KANSL2: variants seen among roughly 807,000 people sequenced by gnomAD.
The protein encoded by KANSL2 is NSL complex protein NSL2.
A neutral mutation model predicts 55.6 loss-of-function variants in KANSL2; 34 were observed. That is an observed-to-expected ratio of 0.61 (90% CI 0.46 to 0.81). The LOEUF is 0.81. KANSL2 is among the 40% of genes least tolerant of loss of function. The pLI is 0.00. For missense variants in KANSL2, 502 were observed against 609.9 expected, an observed-to-expected ratio of 0.82 and a Z score of 1.86; for synonymous variants, 209 against 214.3, an observed-to-expected ratio of 0.98 and a Z score of 0.22.
At chr12:48,660,296 C>T in intron 8 of KANSL2, 70 bp downstream of exon 8, 1 of 1,542,520 alleles carries the variant, frequency 6.5e-7, no homozygotes. Context: ...AAAGACTAAC[C>T]TATTCTCACC....
chr12:48,654,144 C>G lies in KANSL2; in HGVS notation c.1379G>C (p.Arg460Thr). Residue 460 changes from arginine (R) to threonine (T), a missense_variant, in exon 10 of 10, where the codon AGA becomes ACA. Arg to Thr is a moderately conservative substitution (Grantham distance 71). Transcript: ENST00000420613. ...GQMQMAGDGC[R>T]SQGSRNSEKA... is the part of the protein sequence containing the mutation. Reference sequence around the variant, plus strand: ...CTCAGAATTTCGAGATCCCTGGGATCTGCACCCATCTCCAGCCATCTGCAT... The same window carrying G: ...CTCAGAATTTCGAGATCCCTGGGATGTGCACCCATCTCCAGCCATCTGCAT... 6.2e-7 allele frequency: 1 copy of G among 1,612,036 alleles called. No individual in the cohort carries two copies.
At chr12:48,660,178 TG>T (rs1333749344) in intron 8 of KANSL2, among the ~76,000 whole-genome samples, 187 bp downstream of exon 8, 1 of 152,150 alleles carries the variant, frequency 6.6e-6, no homozygotes, top group Non-Finnish European at 1.5e-5. Context: ...GGGAAGAGTC[TG>T]GAAAAAAATA....
intron 3 of KANSL2, 60 bp from the exon 4 acceptor site, chr12:48,679,210 A>T (rs1003382671): frequency 6.5e-6 from 7 of 1,084,076 alleles, no homozygotes; most frequent in Non-Finnish European, 8.5e-6. Flanking sequence ...TCCACCACAC[A>T]AAACTAGATT....
intron 4 of KANSL2, among the ~76,000 whole-genome samples, chr12:48,675,990 T>C (rs1244867905): frequency 2.0e-5 from 3 of 152,134 alleles, no homozygotes; most frequent in Non-Finnish European, 2.9e-5. Flanking sequence ...GCCAAACAAG[T>C]TATAGATGTT....
chr12:48,668,488 T>TG (rs1356754934), intron 6 of KANSL2, among the ~76,000 whole-genome samples: 2 of 152,176 alleles, frequency 1.3e-5, no homozygotes, highest in African/African-American at 4.8e-5. Flanking sequence ...AGACTGGACA[T>TG]AGGGAGTTCA....
At chr12:48,671,096 C>A (rs942106792) in intron 5 of KANSL2, among the ~76,000 whole-genome samples, 2 of 151,994 alleles carry the variant, frequency 1.3e-5, no homozygotes, top group South Asian at 2.1e-4. Context: ...AAAACCCCCC[C>A]TCTACTAAAA....
intron 8 of KANSL2, among the ~76,000 whole-genome samples, chr12:48,659,635 G>C (rs1939452539): frequency 1.3e-5 from 2 of 151,752 alleles, no homozygotes; most frequent in African/African-American, 4.8e-5. Flanking sequence ...AAAAAAAAAA[G>C]TTATAAAAAT....
In KANSL2 at chr12:48,677,784, CAAAAAAAAAAAA is replaced by C. The variant is rs56147873; in HGVS notation, c.545+1240_545+1251del. On this transcript the variant is annotated intron_variant, in intron 4 of 9. Transcript: ENST00000420613. ...TGGGTGACAGTGCAAGACTCCATCT[CAAAAAAAAAAAA>C]AAAAAAAAAAAAAAGGAATGAATAT... Among the ~76,000 whole-genome samples, 19 of 47,678 alleles carry C rather than the reference CAAAAAAAAAAAA, an allele frequency of 4.0e-4. 1 individual carries two copies. The South Asian group carries it at 0.012, about 31-fold the overall frequency. 31.3% of individuals were successfully genotyped at this position (47,678 alleles called of 152,430 possible).
At chr12:48,654,416 C>T (rs1379699145) in intron 9 of KANSL2, 1 of 738,354 alleles carries the variant, frequency 1.4e-6, no homozygotes, top group East Asian at 2.7e-5. Flanking sequence ...CCATTCCCTA[C>T]TGAGGTCCCA....
At chr12:48,662,132 T>C (rs1199936615) in intron 7 of KANSL2, among the ~76,000 whole-genome samples, 1 of 152,182 alleles carries the variant, frequency 6.6e-6, no homozygotes, top group Admixed American at 6.5e-5. Context: ...TTACACGAAG[T>C]CTCGCTCTGT....
chr12:48,671,274 T>TAAAAAAAA (rs10648260), intron 5 of KANSL2, among the ~76,000 whole-genome samples: 3 of 142,264 alleles, frequency 2.1e-5, no homozygotes, highest in Non-Finnish European at 4.5e-5. Context: ...CCGTCTCAAT[T>TAAAAAAAA]AAAAAAAAAA....
chr12:48,678,889 AC>A, intron 4 of KANSL2, 146 bp downstream of exon 4: 1 of 568,328 alleles, frequency 1.8e-6, no homozygotes, highest in South Asian at 2.3e-5. Context: ...ACGACAATGA[AC>A]CATGCCACTT....
At chr12:48,675,148 C>A (rs946168330) in intron 4 of KANSL2, among the ~76,000 whole-genome samples, 1 of 151,880 alleles carries the variant, frequency 6.6e-6, no homozygotes, top group African/African-American at 2.4e-5. Flanking sequence ...GTAATTCTAG[C>A]ACTTTGGGAG....
At chr12:48,679,504 A>G in intron 3 of KANSL2, 151 bp downstream of exon 3, 1 of 670,846 alleles carries the variant, frequency 1.5e-6, no homozygotes, top group Non-Finnish European at 2.5e-6. Context: ...AATTCAAAAG[A>G]ACTGGTAAAC....
At chr12:48,672,422 T>C (rs867956472) in intron 4 of KANSL2, among the ~76,000 whole-genome samples, 2 of 112,982 alleles carry the variant, frequency 1.8e-5, no homozygotes, top group Non-Finnish European at 3.8e-5. Context: ...TATATATATA[T>C]ATATATATAT....
At chr12:48,672,393 GTATATATATATATACGTA>G (rs1939733889) in intron 4 of KANSL2, among the ~76,000 whole-genome samples, 1 of 121,360 alleles carries the variant, frequency 8.2e-6, no homozygotes, top group Non-Finnish European at 1.7e-5. Context: ...ATATATACAT[GTATATATATATATACGTA>G]TATATATATA....
intron 4 of KANSL2, among the ~76,000 whole-genome samples, chr12:48,676,822 C>G (rs1565609540): frequency 1.3e-5 from 2 of 152,130 alleles, no homozygotes; most frequent in Admixed American, 6.5e-5. Flanking sequence ...TAGTTAGGAT[C>G]AAGTCTCTAG....
At position 48,654,351 on chromosome 12, in the gene KANSL2, T is replaced by C. The variant is rs183238956; in HGVS notation, c.1348-176A>G. The C allele has an allele frequency of 6.1e-4, 501 of 820,962 alleles. 3 individuals carry two copies. Among genetic ancestry groups the C allele is most frequent in the Middle Eastern group, 8.8e-4 (4 of 4,520 alleles). The allele number at this position is 820,962 out of a possible 1,614,324, so 50.9% of individuals were successfully genotyped here. A position where few individuals can be genotyped will look rare whatever the true frequency, so the allele number is the denominator to read the frequency against. Reference sequence around the variant, plus strand: ...CTAGTCCCTTGGAAGAGCCTATTCCTGAGCCTCTTCCAATGGGATGGTGAG... The same window carrying C: ...CTAGTCCCTTGGAAGAGCCTATTCCCGAGCCTCTTCCAATGGGATGGTGAG... On this transcript the variant is annotated intron_variant, in intron 9 of 9. Transcript: ENST00000420613.
chr12:48,656,203 T>C (rs76695047), intron 8 of KANSL2, among the ~76,000 whole-genome samples: 2,702 of 151,716 alleles, frequency 0.018, 88 homozygotes, highest in African/African-American at 0.062. Context: ...TCACAGTTCC[T>C]CTGAATGGCT....
Sources: gnomAD v4.1 joint callset for allele counts (sites outside exome capture counted in the v4.1 genomes callset) on GRCh38, gnomAD v4.1.1 for gene constraint, MANE v1.5 for transcripts, NCBI Gene and HGNC (gene_info 2026-07-23, HGNC 2026-07-21) for gene names.